ZDHHC7: variants seen among roughly 807,000 people sequenced by gnomAD.
ZDHHC7 encodes the protein palmitoyltransferase ZDHHC7.
A neutral mutation model predicts 34.1 loss-of-function variants in ZDHHC7; 12 were observed. That is an observed-to-expected ratio of 0.35 (90% CI 0.23 to 0.57). ZDHHC7 has a LOEUF of 0.57. Among genes scored for constraint, ZDHHC7 ranks in the 20% least tolerant of loss-of-function variants. The pLI is 0.84. For missense variants in ZDHHC7, 388 were observed against 402.7 expected, an observed-to-expected ratio of 0.96 and a Z score of 0.31; for synonymous variants, 185 against 155.4, an observed-to-expected ratio of 1.19 and a Z score of -1.42.
rs537336013 is a variant in ZDHHC7 at position 85,011,122 on chromosome 16, G to C, written c.-104+164C>G. Reference sequence around the variant, plus strand: ...AGGGGGCACCTGGAAGGGAAGTCAGGTGCGGGCACGGAGGTGCCCCTAGGA... The same window carrying C: ...AGGGGGCACCTGGAAGGGAAGTCAGCTGCGGGCACGGAGGTGCCCCTAGGA... On this transcript the variant is annotated intron_variant, in intron 1 of 7. Coordinates refer to ENST00000313732, the MANE Select transcript of ZDHHC7 (RefSeq NM_017740.3). 3.6e-4 allele frequency among the ~76,000 whole-genome samples: 55 copies of C among 152,378 alleles called. 1 individual carries two copies. The South Asian group carries it at 0.011, about 30-fold the overall frequency.
chr16:84,977,625 A>AT (rs1363201136), intron 6 of ZDHHC7, among the ~76,000 whole-genome samples: 1 of 152,196 alleles, frequency 6.6e-6, no homozygotes, highest in African/African-American at 2.4e-5. Context: ...CTAAGGTAGG[A>AT]TAACGAGCAC....
the ZDHHC7 span, among the ~76,000 whole-genome samples, chr16:85,022,044 C>A: frequency 2.0e-5 from 3 of 151,102 alleles, no homozygotes; most frequent in African/African-American, 7.3e-5. Flanking sequence ...CCTGTAGTCC[C>A]AGCTACTCAG....
At chr16:85,020,921 A>G in the ZDHHC7 span, among the ~76,000 whole-genome samples, 1 of 151,982 alleles carries the variant, frequency 6.6e-6, no homozygotes, top group Non-Finnish European at 1.5e-5. Flanking sequence ...TCTGGGCAAC[A>G]TAGTGAGTCC....
At chr16:85,019,052 T>C in the ZDHHC7 span, among the ~76,000 whole-genome samples, 1 of 152,196 alleles carries the variant, frequency 6.6e-6, no homozygotes, top group Non-Finnish European at 1.5e-5. Flanking sequence ...TGGCAAAGCC[T>C]TGTGTGGGCC....
rs1199547902 is a variant in ZDHHC7, at chr16:84,975,169, G to C, written c.*1174C>G. 6.5e-6 allele frequency: 1 copy of C among 152,706 alleles called. No individual in the cohort carries two copies. Among genetic ancestry groups the C allele is most frequent in the East Asian group, 1.9e-4 (1 of 5,196 alleles). 9.5% of individuals were successfully genotyped at this position (152,706 alleles called of 1,614,324 possible). A position where few individuals can be genotyped will look rare whatever the true frequency, so the allele number is the denominator to read the frequency against. On this transcript the variant is annotated 3_prime_UTR_variant, in exon 8 of 8. Coordinates refer to ENST00000313732, the MANE Select transcript of ZDHHC7 (RefSeq NM_017740.3). ...TATCACCTGTGCCGTGGGTGGAGAA[G>C]AAAACGTAAAAGCTAACCAAAAACT...
At chr16:85,023,163 CTTTT>C in the ZDHHC7 span, among the ~76,000 whole-genome samples, 28 of 149,010 alleles carry the variant, frequency 1.9e-4, no homozygotes, top group African/African-American at 6.0e-4. Context: ...TCTTTTCTTT[CTTTT>C]CTTTTTTTTT....
chr16:84,997,794 G>A (rs1337634325), intron 1 of ZDHHC7, among the ~76,000 whole-genome samples: 2 of 148,742 alleles, frequency 1.3e-5, no homozygotes, highest in Non-Finnish European at 3.0e-5. Context: ...TCGGGAGGCT[G>A]AGGCAGGAGA....
At chr16:85,015,006 G>C (rs1044504976), upstream of ZDHHC7, among the ~76,000 whole-genome samples, 1 of 152,036 alleles carries the variant, frequency 6.6e-6, no homozygotes, top group South Asian at 2.1e-4. Flanking sequence ...TAAAGACCTG[G>C]AGCCAATAGA....
intron 3 of ZDHHC7, among the ~76,000 whole-genome samples, chr16:84,984,696 T>TC (rs2072414372): frequency 6.6e-6 from 1 of 152,140 alleles, no homozygotes; most frequent in Non-Finnish European, 1.5e-5. Flanking sequence ...GTCCAGGGAT[T>TC]CCTTTTTGCT....
At chr16:84,989,224 G>A (rs2072476677) in intron 3 of ZDHHC7, among the ~76,000 whole-genome samples, 1 of 152,168 alleles carries the variant, frequency 6.6e-6, no homozygotes. Flanking sequence ...CTGCCCTCTG[G>A]TTGGGCCTAT....
At chr16:84,990,007 C>T (rs1206691193) in intron 3 of ZDHHC7, among the ~76,000 whole-genome samples, 1 of 152,090 alleles carries the variant, frequency 6.6e-6, no homozygotes, top group Non-Finnish European at 1.5e-5. Flanking sequence ...GGCCCGAATG[C>T]CCCTCCCTGA....
chr16:84,987,432 C>T (rs943122896), intron 3 of ZDHHC7, among the ~76,000 whole-genome samples: 9 of 150,008 alleles, frequency 6.0e-5, no homozygotes, highest in African/African-American at 2.2e-4. Context: ...GTGGATGCTT[C>T]GATGTTTTGG....
intron 7 of ZDHHC7, among the ~76,000 whole-genome samples, chr16:84,976,796 C>T (rs1015641870): frequency 8.5e-5 from 13 of 152,224 alleles, no homozygotes; most frequent in Non-Finnish European, 5.9e-5. Flanking sequence ...ATTTACTGAG[C>T]GCCACTCCAG....
chr16:85,001,478 A>AAAAAAAAAAAAAAAAAAT, intron 1 of ZDHHC7, among the ~76,000 whole-genome samples: 1 of 151,460 alleles, frequency 6.6e-6, no homozygotes, highest in African/African-American at 2.4e-5. Context: ...CTCAAAAAAA[A>AAAAAAAAAAAAAAAAAAT]AAAAAATTAA....
intron 1 of ZDHHC7, among the ~76,000 whole-genome samples, chr16:85,009,361 G>A (rs997035740): frequency 2.6e-5 from 4 of 152,008 alleles, no homozygotes; most frequent in Non-Finnish European, 5.9e-5. Context: ...CTTTCTCACT[G>A]AGAGGGCCAT....
the ZDHHC7 span, among the ~76,000 whole-genome samples, chr16:85,020,564 T>G: frequency 6.6e-6 from 1 of 152,084 alleles, no homozygotes; most frequent in East Asian, 1.9e-4. Flanking sequence ...GCAAAGGAGC[T>G]TGAGGTCAAA....
chr16:85,016,870 T>C, the ZDHHC7 span, among the ~76,000 whole-genome samples: 21 of 152,300 alleles, frequency 1.4e-4, no homozygotes, highest in Admixed American at 7.2e-4. Context: ...TGCCAGTCAT[T>C]TCCCCTTTGT....
rs867289636 is a variant in ZDHHC7, at chr16:84,978,121, T to C, written c.538-116A>G. On this transcript the variant is annotated intron_variant, in intron 5 of 7. Coordinates refer to ENST00000313732, the MANE Select transcript of ZDHHC7 (RefSeq NM_017740.3). ...GGCGTAGTCTCAGCTCACTGCAACC[T>C]CCGCCTGCCAGACTCAAGCGATTCT... The C allele has an allele frequency of 7.4e-6, 5 of 680,126 alleles. No homozygotes were observed. In the Admixed American group the frequency reaches 9.4e-5, roughly 13 times the overall value. 42.1% of individuals were successfully genotyped at this position (680,126 alleles called of 1,614,324 possible). A position where few individuals can be genotyped will look rare whatever the true frequency, so the allele number is the denominator to read the frequency against.
rs1024960761 is a variant in ZDHHC7, at chr16:84,997,116, A to C, written c.-103-1109T>G. On this transcript the variant is annotated intron_variant, in intron 1 of 7. Transcript: ENST00000313732. ...AGAGTCCAGAACACGCACAATGCACAGAGAAGAAAATGTCAACAAGGCATA... is the reference window on the plus strand; with the variant it reads ...AGAGTCCAGAACACGCACAATGCACCGAGAAGAAAATGTCAACAAGGCATA... 9.2e-5 allele frequency among the ~76,000 whole-genome samples: 14 copies of C among 152,276 alleles called. No homozygotes were observed. In the East Asian group the frequency reaches 2.5e-3, roughly 27 times the overall value.
Sources: gnomAD v4.1 joint callset for allele counts (sites outside exome capture counted in the v4.1 genomes callset) on GRCh38, gnomAD v4.1.1 for gene constraint, MANE v1.5 for transcripts, NCBI Gene and HGNC (gene_info 2026-07-23, HGNC 2026-07-21) for gene names.